The following FOXN3 variants were observed in gnomAD, a reference collection of about 807,000 sequenced individuals.
The protein encoded by FOXN3 is forkhead box N3.
In FOXN3, 7 loss-of-function variants were observed where a neutral mutation model predicts 38.4. That is an observed-to-expected ratio of 0.18 (90% CI 0.10 to 0.34). The LOEUF (loss-of-function observed/expected upper bound fraction) is 0.34. Among genes scored for constraint, FOXN3 ranks in the 10% least tolerant of loss-of-function variants. The pLI, the probability that FOXN3 is intolerant of heterozygous loss-of-function variation, is 1.00. For missense variants in FOXN3, 456 were observed against 613.4 expected, an observed-to-expected ratio of 0.74 and a Z score of 2.71; for synonymous variants, 230 against 242.2, an observed-to-expected ratio of 0.95 and a Z score of 0.47.
intron 1 of FOXN3, among the ~76,000 whole-genome samples, chr14:89,577,750 A>G (rs1596322969): frequency 6.6e-6 from 1 of 152,322 alleles, no homozygotes; most frequent in East Asian, 1.9e-4. Flanking sequence ...TCTTCAGGCT[A>G]TCAGTTCATC....
chr14:89,386,994 C>T (rs367765934), intron 2 of FOXN3, among the ~76,000 whole-genome samples: 39 of 152,272 alleles, frequency 2.6e-4, no homozygotes, highest in African/African-American at 8.9e-4. Context: ...TGGTGGCTCA[C>T]GCCTGTAATC....
chr14:89,587,865 C>CAAAA lies in FOXN3; in HGVS notation c.-15+31162_-15+31163insTTTT, dbSNP rs1304911030. 1.7e-4 allele frequency among the ~76,000 whole-genome samples: 7 copies of CAAAA among 42,092 alleles called. No homozygotes were observed. The Admixed American group carries it at 2.8e-3, about 17-fold the overall frequency. 27.6% of individuals were successfully genotyped at this position (42,092 alleles called of 152,430 possible). On this transcript the variant is annotated intron_variant, in intron 1 of 6. Transcript: ENST00000345097. The stretch of plus-strand genomic sequence containing the variant: ...TGGGTGAAAGAGTAAGACTCTGTCT[C>CAAAA]AGAAAAAAAAAAAAAAAAAAAAAAG...
chr14:89,480,207 C>G (rs1169328781), intron 1 of FOXN3, among the ~76,000 whole-genome samples: 2 of 152,104 alleles, frequency 1.3e-5, no homozygotes, highest in African/African-American at 2.4e-5. Flanking sequence ...TCGAGACCAT[C>G]CTGGCTAACA....
chr14:89,400,125 T>C (rs1270013613), intron 2 of FOXN3: 1 of 152,208 alleles, frequency 6.6e-6, no homozygotes, highest in Non-Finnish European at 1.5e-5. Context: ...CCTGCAAAAC[T>C]ACAGCCAGCA....
intron 1 of FOXN3, among the ~76,000 whole-genome samples, chr14:89,531,299 C>A (rs984070098): frequency 3.3e-5 from 5 of 152,006 alleles, no homozygotes; most frequent in Non-Finnish European, 7.4e-5. Context: ...CCCTTTGCTA[C>A]TTTGATAAAC....
Position 89,542,798 on chromosome 14 carries a change from G to GT in FOXN3, c.-15+76229dup, listed in dbSNP as rs1375355324. Reference sequence around the variant, plus strand: ...GGTTAATATGCTGAGATCTTCTTTTGTTTTACAAAGAGGCAAGGAAACACA... The same window carrying GT: ...GGTTAATATGCTGAGATCTTCTTTTGTTTTTACAAAGAGGCAAGGAAACACA... On this transcript the variant is annotated intron_variant, in intron 1 of 6. Coordinates refer to the FOXN3 transcript ENST00000345097. Among the ~76,000 whole-genome samples, 3 of 152,126 alleles carry GT rather than the reference G, an allele frequency of 2.0e-5. No individual in the cohort carries two copies. In the South Asian group the frequency reaches 6.2e-4, roughly 32 times the overall value.
intron 1 of FOXN3, among the ~76,000 whole-genome samples, chr14:89,558,082 C>T (rs1214596196): frequency 2.0e-5 from 3 of 152,074 alleles, no homozygotes. Flanking sequence ...ACAGACAAAA[C>T]TACTTTAAAA....
At chr14:89,194,260 G>A (rs920956651) in intron 4 of FOXN3, among the ~76,000 whole-genome samples, 2 of 152,110 alleles carry the variant, frequency 1.3e-5, no homozygotes, top group African/African-American at 2.4e-5. Context: ...CCCTAAAATT[G>A]CAAAGATTTC....
At chr14:89,306,819 AG>A (rs1037230755) in intron 3 of FOXN3, among the ~76,000 whole-genome samples, 16 of 152,242 alleles carry the variant, frequency 1.1e-4, no homozygotes, top group African/African-American at 3.9e-4. Flanking sequence ...GGTAATGGTC[AG>A]GGAAAAAAGA....
chr14:89,334,061 C>T (rs7159098), intron 3 of FOXN3, among the ~76,000 whole-genome samples: 146,424 of 147,902 alleles, frequency 0.99, 72,499 homozygotes, highest in Middle Eastern at 1. Flanking sequence ...AGGAATATTA[C>T]TTGACCTTAG....
At chr14:89,226,408 T>C (rs1386995281) in intron 4 of FOXN3, among the ~76,000 whole-genome samples, 6 of 152,106 alleles carry the variant, frequency 3.9e-5, no homozygotes, top group Non-Finnish European at 8.8e-5. Context: ...AAATTTTTTA[T>C]AGAGATGGGG....
chr14:89,289,982 C>T (rs571202150), intron 3 of FOXN3, among the ~76,000 whole-genome samples: 2 of 152,162 alleles, frequency 1.3e-5, no homozygotes, highest in South Asian at 4.1e-4. Flanking sequence ...CCATAATGTT[C>T]ACAAGTCACC....
At chr14:89,572,084 T>C (rs1050926327) in intron 1 of FOXN3, among the ~76,000 whole-genome samples, 18 of 152,226 alleles carry the variant, frequency 1.2e-4, no homozygotes, top group Non-Finnish European at 1.0e-4. Flanking sequence ...TTTCCATTAC[T>C]CCATATCTAT....
At chr14:89,405,165 C>G (rs1891355298) in intron 2 of FOXN3, among the ~76,000 whole-genome samples, 1 of 152,094 alleles carries the variant, frequency 6.6e-6, no homozygotes, top group Admixed American at 6.5e-5. Flanking sequence ...GAGACAGAGT[C>G]TCACTCTGTC....
intron 2 of FOXN3, among the ~76,000 whole-genome samples, chr14:89,372,574 C>T (rs1449628131): frequency 6.6e-6 from 1 of 152,182 alleles, no homozygotes; most frequent in Non-Finnish European, 1.5e-5. Flanking sequence ...GAGCACCATA[C>T]AACCAAACTT....
At chr14:89,500,675 T>C (rs956826129) in intron 1 of FOXN3, among the ~76,000 whole-genome samples, 1 of 152,142 alleles carries the variant, frequency 6.6e-6, no homozygotes, top group African/African-American at 2.4e-5. Flanking sequence ...GGGCCACTCA[T>C]CCACTCCGCA....
At position 89,548,558 on chromosome 14, in the gene FOXN3, T is replaced by C. The variant is rs558019239; in HGVS notation, c.-15+70470A>G. ...AGCTTAGGCTATTAAGACTAATTTATGTTTCAAAGGCATACACTAACTAAT... is the reference window on the plus strand; with the variant it reads ...AGCTTAGGCTATTAAGACTAATTTACGTTTCAAAGGCATACACTAACTAAT... On this transcript the variant is annotated intron_variant, in intron 1 of 6. Coordinates refer to the FOXN3 transcript ENST00000345097. The surrounding 1 kb of genome is among the most constrained non-coding windows in gnomAD (Gnocchi z 4.8). Among the ~76,000 whole-genome samples the C allele has an allele frequency of 6.6e-6, 1 of 152,328 alleles. No homozygotes were observed. The highest frequency in any genetic ancestry group is 1.9e-4 in the East Asian group (1 of 5,192).
intron 1 of FOXN3, among the ~76,000 whole-genome samples, chr14:89,556,956 C>T (rs75440856): frequency 0.043 from 6,560 of 152,206 alleles, 426 homozygotes; most frequent in African/African-American, 0.14. Context: ...CAATCAGAGC[C>T]GCCTCTGAGC....
intron 3 of FOXN3, chr14:89,290,468 C>T (rs982032641): frequency 6.9e-6 from 3 of 435,420 alleles, no homozygotes; most frequent in South Asian, 1.9e-5. Flanking sequence ...TGTCAAAGAC[C>T]AGACCAAACT....
Sources: allele counts gnomAD v4.1 joint callset (sites outside exome capture counted in the v4.1 genomes callset), GRCh38; gene constraint gnomAD v4.1.1; non-coding constraint Gnocchi (gnomAD v3.1); transcripts MANE v1.5; gene names NCBI Gene and HGNC (gene_info 2026-07-23, HGNC 2026-07-21).